The following MB21D2 variants were observed in gnomAD, a reference collection of about 807,000 sequenced individuals.
MB21D2 encodes the protein Mab-21 domain containing 2.
In MB21D2, 9 loss-of-function variants were observed where a neutral mutation model predicts 33.3. The ratio of observed to expected loss-of-function variants is 0.27; its 90% CI spans 0.16 to 0.47. The LOEUF is 0.47. Ranked by LOEUF, MB21D2 falls within the 20% of genes least tolerant of loss-of-function variation. The probability of loss-of-function intolerance (pLI) is 0.99; values close to 1 mark genes in which losing one functional copy is unlikely to be tolerated. For synonymous variants in MB21D2, 241 were observed against 236.3 expected, an observed-to-expected ratio of 1.02 and a Z score of -0.18; for missense variants, 540 against 624.6, an observed-to-expected ratio of 0.86 and a Z score of 1.44.
intron 1 of MB21D2, among the ~76,000 whole-genome samples, chr3:192,869,817 C>G (rs1464835910): frequency 1.3e-5 from 2 of 152,212 alleles, no homozygotes; most frequent in Admixed American, 6.5e-5. Flanking sequence ...TAATGAAAAA[C>G]ATCACTGCTC....
intron 1 of MB21D2, among the ~76,000 whole-genome samples, chr3:192,822,581 TAGAA>T (rs141890945): frequency 2.0e-5 from 3 of 152,292 alleles, no homozygotes; most frequent in East Asian, 3.9e-4. Flanking sequence ...GGCCAAAACT[TAGAA>T]AGAGTCTGAC....
At chr3:192,884,303 T>C (rs1275712599) in intron 1 of MB21D2, among the ~76,000 whole-genome samples, 2 of 152,138 alleles carry the variant, frequency 1.3e-5, no homozygotes, top group Non-Finnish European at 2.9e-5. Context: ...TTTAACTATA[T>C]GGCAACTGAA....
At chr3:192,857,075 C>T (rs181701029) in intron 1 of MB21D2, among the ~76,000 whole-genome samples, 266 of 152,016 alleles carry the variant, frequency 1.7e-3, no homozygotes, top group Middle Eastern at 0.01. Flanking sequence ...ATGCTTTTCA[C>T]AATAAAAGAG....
intron 1 of MB21D2, among the ~76,000 whole-genome samples, chr3:192,882,457 T>C (rs898175347): frequency 6.6e-5 from 10 of 152,082 alleles, no homozygotes; most frequent in African/African-American, 2.4e-4. Context: ...GACAAAACAC[T>C]ATGCAACACT....
chr3:192,893,860 A>T (rs768890419), intron 1 of MB21D2, among the ~76,000 whole-genome samples: 1 of 151,980 alleles, frequency 6.6e-6, no homozygotes, highest in Non-Finnish European at 1.5e-5. Flanking sequence ...ACATAGAGAG[A>T]CCCTATCTCT....
intron 1 of MB21D2, among the ~76,000 whole-genome samples, chr3:192,813,299 AATTT>A (rs771815085): frequency 0.012 from 1,703 of 147,588 alleles, 12 homozygotes; most frequent in African/African-American, 0.017. Context: ...TACTGCAGTT[AATTT>A]TTTTTTTTTT....
At chr3:192,862,380 A>T (rs1469904925) in intron 1 of MB21D2, among the ~76,000 whole-genome samples, 1 of 152,242 alleles carries the variant, frequency 6.6e-6, no homozygotes, top group African/African-American at 2.4e-5. Context: ...TTCGAATTGT[A>T]GAATAATAGA....
intron 1 of MB21D2, among the ~76,000 whole-genome samples, chr3:192,821,015 C>T (rs13091375): frequency 0.088 from 13,369 of 152,114 alleles, 623 homozygotes; most frequent in Middle Eastern, 0.14. Context: ...CCATCCTTCA[C>T]ACCCATCCCT....
At chr3:192,884,584 G>A (rs34580376) in intron 1 of MB21D2, among the ~76,000 whole-genome samples, 14 of 151,890 alleles carry the variant, frequency 9.2e-5, no homozygotes, top group East Asian at 1.9e-4. Context: ...AGCCAGGATG[G>A]TCTTGATCTC....
At chr3:192,868,532 T>A (rs2108636487) in intron 1 of MB21D2, among the ~76,000 whole-genome samples, 1 of 152,296 alleles carries the variant, frequency 6.6e-6, no homozygotes, top group South Asian at 2.1e-4. Flanking sequence ...TTAATTTTGC[T>A]GCTGCTGACA....
intron 1 of MB21D2, among the ~76,000 whole-genome samples, chr3:192,864,823 A>C (rs1164917173): frequency 1.3e-5 from 2 of 152,122 alleles, no homozygotes; most frequent in Admixed American, 1.3e-4. Context: ...CCAATTTTTA[A>C]GAGTCATATT....
chr3:192,841,530 A>T (rs1444281482), intron 1 of MB21D2, among the ~76,000 whole-genome samples: 1 of 152,252 alleles, frequency 6.6e-6, no homozygotes. Context: ...AGTGAAGAAG[A>T]AGTGAGATCT....
At chr3:192,845,605 G>A (rs1469112433) in intron 1 of MB21D2, among the ~76,000 whole-genome samples, 3 of 152,162 alleles carry the variant, frequency 2.0e-5, no homozygotes, top group Non-Finnish European at 4.4e-5. Context: ...ACACCCTAAC[G>A]GGTTGATAAT....
intron 1 of MB21D2, among the ~76,000 whole-genome samples, chr3:192,897,898 C>T (rs1270120519): frequency 6.6e-6 from 1 of 151,892 alleles, no homozygotes; most frequent in Non-Finnish European, 1.5e-5. Context: ...GGGAGAAGCA[C>T]TTGAGCCCAG....
intron 1 of MB21D2, among the ~76,000 whole-genome samples, chr3:192,871,105 T>C (rs1713286374): frequency 6.6e-6 from 1 of 152,186 alleles, no homozygotes; most frequent in South Asian, 2.1e-4. Flanking sequence ...AGTTTCCACC[T>C]GTGAAGCTTC....
At chr3:192,802,703 A>C (rs1711584326) in intron 1 of MB21D2, among the ~76,000 whole-genome samples, 1 of 152,218 alleles carries the variant, frequency 6.6e-6, no homozygotes, top group Admixed American at 6.5e-5. Context: ...AGGTTGTGAA[A>C]ATCATTTTCA....
chr3:192,839,034 C>T (rs747173640), intron 1 of MB21D2, among the ~76,000 whole-genome samples: 26 of 152,092 alleles, frequency 1.7e-4, no homozygotes, highest in Non-Finnish European at 2.2e-4. Context: ...CACTAAGTTA[C>T]GACCTTTTTC....
intron 1 of MB21D2, among the ~76,000 whole-genome samples, chr3:192,890,348 T>G (rs1050831152): frequency 6.6e-5 from 10 of 152,056 alleles, no homozygotes; most frequent in Non-Finnish European, 1.3e-4. Flanking sequence ...CCTGGTATTT[T>G]CAAGGCAATA....
chr3:192,834,809 CTTTT>C (rs71177378), intron 1 of MB21D2, among the ~76,000 whole-genome samples: 3 of 119,878 alleles, frequency 2.5e-5, no homozygotes, highest in Admixed American at 8.7e-5. Flanking sequence ...GAGGATTGTT[CTTTT>C]TTTTTTTTTT....
Sources: gnomAD v4.1 joint callset for allele counts (sites outside exome capture counted in the v4.1 genomes callset) on GRCh38, gnomAD v4.1.1 for gene constraint, MANE v1.5 for transcripts, NCBI Gene and HGNC (gene_info 2026-07-23, HGNC 2026-07-21) for gene names.